SORCS3: variants seen among roughly 807,000 people sequenced by gnomAD.
SORCS3 encodes the protein sortilin related VPS10 domain containing receptor 3.
In SORCS3, 57 loss-of-function variants were observed where a neutral mutation model predicts 146.3. The observed-to-expected ratio is 0.39, with a 90% CI of 0.31 to 0.49. SORCS3 has a LOEUF of 0.49. Ranked by LOEUF, SORCS3 falls within the 20% of genes least tolerant of loss-of-function variation. The pLI is 0.92. For synonymous variants in SORCS3, 653 were observed against 618.5 expected (o/e 1.06, Z -0.83); for missense variants, 1,341 against 1,575.5 (o/e 0.85, Z 2.52).
chr10:105,252,918 T>C lies in SORCS3; in HGVS notation c.3237+12T>C, dbSNP rs1302409681. On this transcript the variant is annotated intron_variant, in intron 23 of 26. Coordinates refer to ENST00000369701, the MANE Select transcript of SORCS3 (RefSeq NM_014978.3). ...GGGACCTGGAACAAGTAAGTGAAAG[T>C]AAATCTGGCTGGGACCCTTGCCTGC... is the stretch of plus-strand genomic sequence containing the variant. 6.2e-7 allele frequency: 1 copy of C among 1,613,302 alleles called. No homozygotes were observed. Among genetic ancestry groups the C allele is most frequent in the African/African-American group, 1.3e-5 (1 of 74,984 alleles).
chr10:104,717,574 G>C (rs886262129), intron 1 of SORCS3, among the ~76,000 whole-genome samples: 2 of 152,004 alleles, frequency 1.3e-5, no homozygotes, highest in African/African-American at 4.8e-5. Flanking sequence ...TTGTTTATGA[G>C]TGTCTTCTCC....
At chr10:104,965,193 T>C (rs1374484831) in intron 3 of SORCS3, among the ~76,000 whole-genome samples, 2 of 152,210 alleles carry the variant, frequency 1.3e-5, no homozygotes, top group Non-Finnish European at 2.9e-5. Context: ...GTATCTCTCT[T>C]TGAGACCTTG....
At chr10:104,884,829 A>G (rs74155059) in intron 2 of SORCS3, among the ~76,000 whole-genome samples, 2,466 of 152,016 alleles carry the variant, frequency 0.016, 61 homozygotes, top group African/African-American at 0.056. Context: ...ATCTGATCTC[A>G]TGTATTTTTC....
At chr10:105,161,337 T>C (rs1329855287) in intron 11 of SORCS3, among the ~76,000 whole-genome samples, 1 of 152,128 alleles carries the variant, frequency 6.6e-6, no homozygotes, top group East Asian at 1.9e-4. Flanking sequence ...AACTATGACG[T>C]CAGCCAATTA....
intron 4 of SORCS3, among the ~76,000 whole-genome samples, chr10:105,024,227 G>A (rs1024126177): frequency 1.3e-5 from 2 of 152,216 alleles, no homozygotes; most frequent in African/African-American, 4.8e-5. Context: ...AACTGTGAGT[G>A]AGAGTAAATT....
chr10:104,684,493 CT>C (rs1379233597), intron 1 of SORCS3, among the ~76,000 whole-genome samples: 2 of 152,336 alleles, frequency 1.3e-5, no homozygotes, highest in East Asian at 3.9e-4. Context: ...GGAGCCACCC[CT>C]GGGACACAGA....
rs938883048 is a variant in SORCS3 at position 104,992,325 on chromosome 10, C to T, written c.954+14832C>T. On this transcript the variant is annotated intron_variant, in intron 4 of 26. Transcript: ENST00000369701. The stretch of plus-strand genomic sequence containing the variant: ...CCATGAGGACCCCTTGGAAGAACAT[C>T]GAGGGATCAGAGTCTAAAAGAAGTC... Among the ~76,000 whole-genome samples, 4 of 152,126 alleles carry T rather than the reference C, an allele frequency of 2.6e-5. No homozygotes were observed. In the South Asian group the frequency reaches 6.2e-4, roughly 24 times the overall value.
At chr10:104,958,690 C>T (rs1223289803) in intron 3 of SORCS3, among the ~76,000 whole-genome samples, 1 of 152,118 alleles carries the variant, frequency 6.6e-6, no homozygotes, top group Non-Finnish European at 1.5e-5. Flanking sequence ...AGTCTGTTTT[C>T]ACATGGCTAT....
chr10:104,705,492 A>T (rs1483787050), intron 1 of SORCS3, among the ~76,000 whole-genome samples: 1 of 152,010 alleles, frequency 6.6e-6, no homozygotes, highest in East Asian at 1.9e-4. Flanking sequence ...ATTTAACTAA[A>T]CTTTGACAGA....
intron 2 of SORCS3, among the ~76,000 whole-genome samples, chr10:104,861,299 C>T (rs756667224): frequency 6.6e-6 from 1 of 152,180 alleles, no homozygotes; most frequent in African/African-American, 2.4e-5. Context: ...GGATTTGAAT[C>T]CCAGTTATGC....
intron 1 of SORCS3, among the ~76,000 whole-genome samples, chr10:104,740,191 A>G (rs2016825018): frequency 6.6e-6 from 1 of 152,254 alleles, no homozygotes; most frequent in Non-Finnish European, 1.5e-5. Flanking sequence ...GTCAAAATTA[A>G]TTATTTATGA....
At chr10:105,239,738 A>G (rs1482655758) in intron 20 of SORCS3, among the ~76,000 whole-genome samples, 1 of 152,194 alleles carries the variant, frequency 6.6e-6, no homozygotes, top group South Asian at 2.1e-4. Context: ...GCTGGGATTA[A>G]CAGAGGTCTG....
At chr10:104,973,889 T>A (rs1392831232) in intron 3 of SORCS3, among the ~76,000 whole-genome samples, 5 of 151,688 alleles carry the variant, frequency 3.3e-5, no homozygotes, top group African/African-American at 4.9e-5. Context: ...GATTCTGGTA[T>A]GTTGTGTCTT....
chr10:105,224,697 TCCA>T (rs985397859), intron 20 of SORCS3, among the ~76,000 whole-genome samples: 6 of 152,180 alleles, frequency 3.9e-5, no homozygotes. Flanking sequence ...ATTTTGGATT[TCCA>T]CCACCAATGA....
chr10:104,670,929 A>G (rs992579442), intron 1 of SORCS3, among the ~76,000 whole-genome samples: 1 of 152,124 alleles, frequency 6.6e-6, no homozygotes, highest in Non-Finnish European at 1.5e-5. Flanking sequence ...TACTGCTATT[A>G]TAAATGAAAT....
intron 1 of SORCS3, among the ~76,000 whole-genome samples, chr10:104,682,358 T>C (rs1304427208): frequency 6.6e-6 from 1 of 152,224 alleles, no homozygotes; most frequent in East Asian, 1.9e-4. Context: ...CGTATCACCT[T>C]TGTGAAGCTG....
rs931970100 is a variant in SORCS3 at position 104,760,164 on chromosome 10, G to A, written c.628-82628G>A. ...GGAGTGCTTGGAGAATGGCAGCTGA[G>A]CAGGAGAGTCAGTGGTGAGGTGGAA... On this transcript the variant is annotated intron_variant, in intron 1 of 26. Transcript: ENST00000369701. 3.3e-5 allele frequency among the ~76,000 whole-genome samples: 5 copies of A among 152,286 alleles called. No individual in the cohort carries two copies. In the South Asian group the frequency reaches 6.2e-4, roughly 19 times the overall value.
intron 16 of SORCS3, among the ~76,000 whole-genome samples, chr10:105,205,985 T>C (rs944837440): frequency 9.9e-5 from 15 of 152,226 alleles, no homozygotes; most frequent in South Asian, 2.1e-4. Context: ...AGCAAGTTTA[T>C]TGAGTGGTGA....
At chr10:104,763,038 G>C (rs1283785205) in intron 1 of SORCS3, among the ~76,000 whole-genome samples, 1 of 152,182 alleles carries the variant, frequency 6.6e-6, no homozygotes, top group Non-Finnish European at 1.5e-5. Context: ...ACAGCCAGAA[G>C]TGAGAACTGC....
Sources: gnomAD v4.1 joint callset for allele counts (sites outside exome capture counted in the v4.1 genomes callset) on GRCh38, gnomAD v4.1.1 for gene constraint, MANE v1.5 for transcripts, NCBI Gene and HGNC (gene_info 2026-07-23, HGNC 2026-07-21) for gene names.